Variants in CHAT observed in about 807,000 individuals in gnomAD.
The protein encoded by CHAT is choline O-acetyltransferase, also known as acetyl CoA:choline O-acetyltransferase.
Under a neutral mutation model 76.9 loss-of-function variants are expected in CHAT, and 61 were observed. That is an observed-to-expected ratio of 0.79 (90% CI 0.65 to 0.98). The LOEUF is 0.98. CHAT is among the 50% of genes least tolerant of loss of function. CHAT has a pLI of 0.00. For synonymous variants in CHAT, 407 were observed against 397.4 expected (o/e 1.02, Z -0.29); for missense variants, 946 against 986.9 (o/e 0.96, Z 0.56).
Position 49,614,143 on chromosome 10 carries a change from T to C in CHAT, c.-47T>C. On this transcript the variant is annotated 5_prime_UTR_variant, in exon 1 of 15. Transcript: ENST00000337653. Reference sequence around the variant, plus strand: ...CCTCCGGGAAGCGCTCCGGGTAGATTCTGGGGGCCGGGAGCTGAGATCCCT... The same window carrying C: ...CCTCCGGGAAGCGCTCCGGGTAGATCCTGGGGGCCGGGAGCTGAGATCCCT... 4 of 1,542,550 alleles carry C rather than the reference T, an allele frequency of 2.6e-6. No homozygotes were observed. In the East Asian group the frequency reaches 7.4e-5, roughly 28 times the overall value.
intron 7 of CHAT, among the ~76,000 whole-genome samples, chr10:49,637,878 C>A (rs377074365): frequency 1.3e-5 from 2 of 152,218 alleles, no homozygotes; most frequent in Middle Eastern, 3.4e-3. Flanking sequence ...GACTTTAATT[C>A]TTTTCAATTT....
intron 7 of CHAT, among the ~76,000 whole-genome samples, chr10:49,635,620 A>G (rs1839268378): frequency 6.6e-6 from 1 of 152,086 alleles, no homozygotes; most frequent in South Asian, 2.1e-4. Context: ...TATTTTAACC[A>G]TTTTGATAGG....
chr10:49,612,574 G>C (rs1458050446), upstream of CHAT: 1 of 531,854 alleles, frequency 1.9e-6, no homozygotes, highest in Non-Finnish European at 3.4e-6. Flanking sequence ...CCTTGCGGAG[G>C]TGAAGAGGAC....
chr10:49,642,587 A>G (rs1436360172), intron 7 of CHAT, among the ~76,000 whole-genome samples: 2 of 152,202 alleles, frequency 1.3e-5, no homozygotes, highest in Non-Finnish European at 2.9e-5. Flanking sequence ...GCCCAGTTAA[A>G]AAGGAGTGTG....
At chr10:49,649,999 A>C (rs11101196) in intron 10 of CHAT, among the ~76,000 whole-genome samples, 57,468 of 151,068 alleles carry the variant, frequency 0.38, 11,748 homozygotes, top group Middle Eastern at 0.48. Context: ...CAAGCTATTT[A>C]AATTTGCTTG....
chr10:49,648,705 A>G (rs1839765294), intron 9 of CHAT, 98 bp downstream of exon 9: 5 of 740,888 alleles, frequency 6.7e-6, no homozygotes, highest in Admixed American at 6.2e-5. Context: ...CAAAAGATGA[A>G]TTTGAAAAAA....
chr10:49,611,340 C>A, upstream of CHAT: 2 of 1,602,476 alleles, frequency 1.2e-6, no homozygotes, highest in East Asian at 2.2e-5. Context: ...TAGCCATGAT[C>A]GCCGATAAGT....
intron 1 of CHAT, chr10:49,616,125 A>G (rs775488223): frequency 1.3e-6 from 2 of 1,589,862 alleles, no homozygotes; most frequent in African/African-American, 2.7e-5. Context: ...CTAGTGGGAA[A>G]GAGAGAGTTT....
chr10:49,610,194 C>G (rs890436161), upstream of CHAT: 4 of 152,322 alleles, frequency 2.6e-5, no homozygotes, highest in African/African-American at 9.6e-5. Context: ...CCCGCCCCGC[C>G]GACGTCGCAT....
upstream of CHAT, chr10:49,613,123 C>T (rs900234198): frequency 6.6e-6 from 1 of 152,196 alleles, no homozygotes; most frequent in Non-Finnish European, 1.5e-5. Context: ...CCCGTTGAGG[C>T]TTTGAGAAAG....
chr10:49,612,248 C>A (rs1381110541), upstream of CHAT: 2 of 1,610,172 alleles, frequency 1.2e-6, no homozygotes, highest in African/African-American at 2.7e-5. Context: ...CGTGAGCGTC[C>A]TGTGTCTGGC....
At chr10:49,616,752 C>A (rs1838512589) in intron 2 of CHAT, 150 bp downstream of exon 2, 4 of 698,510 alleles carry the variant, frequency 5.7e-6, no homozygotes, top group East Asian at 2.7e-5. Context: ...ACAGCTCCAC[C>A]CCCAGCTTGC....
intron 5 of CHAT, among the ~76,000 whole-genome samples, chr10:49,624,365 C>T (rs931315772): frequency 2.0e-5 from 3 of 152,210 alleles, no homozygotes; most frequent in African/African-American, 7.2e-5. Context: ...AGGCATTACA[C>T]CAAGTCATGG....
intron 13 of CHAT, among the ~76,000 whole-genome samples, chr10:49,656,262 A>G (rs1840029679): frequency 6.8e-6 from 1 of 147,192 alleles, no homozygotes; most frequent in Non-Finnish European, 1.5e-5. Flanking sequence ...AAAACATAGC[A>G]CCCACTCATG....
upstream of CHAT, among the ~76,000 whole-genome samples, chr10:49,609,953 C>A (rs577361088): frequency 1.1e-4 from 17 of 152,156 alleles, no homozygotes; most frequent in African/African-American, 3.9e-4. Flanking sequence ...CTCGAGGAAC[C>A]GGCTGCCGCG....
At chr10:49,648,746 C>T in intron 9 of CHAT, 139 bp downstream of exon 9, 1 of 668,266 alleles carries the variant, frequency 1.5e-6, no homozygotes, top group East Asian at 2.7e-5. Context: ...CACACACACA[C>T]ACACACACAC....
At chr10:49,616,315 C>T (rs1195481796) in intron 1 of CHAT, among the ~76,000 whole-genome samples, 187 bp from the exon 2 acceptor site, 4 of 152,146 alleles carry the variant, frequency 2.6e-5, no homozygotes, top group African/African-American at 9.7e-5. Flanking sequence ...CCAGAGAGAA[C>T]ACTGTGGTCA....
intron 11 of CHAT, among the ~76,000 whole-genome samples, chr10:49,654,848 ACTT>A (rs1839982772): frequency 3.9e-5 from 6 of 152,094 alleles, no homozygotes; most frequent in African/African-American, 1.4e-4. Context: ...GCTACCCGTC[ACTT>A]CTTTATTTTA....
At chr10:49,642,393 A>T (rs950854013) in intron 7 of CHAT, among the ~76,000 whole-genome samples, 11 of 152,106 alleles carry the variant, frequency 7.2e-5, no homozygotes, top group Non-Finnish European at 1.6e-4. Flanking sequence ...TCCTGCTCCC[A>T]TTTTACCCTG....
Sources: gnomAD v4.1 joint callset for allele counts (sites outside exome capture counted in the v4.1 genomes callset) on GRCh38, gnomAD v4.1.1 for gene constraint, MANE v1.5 for transcripts, NCBI Gene and HGNC (gene_info 2026-07-23, HGNC 2026-07-21) for gene names.